The following RBFOX3 variants were observed in gnomAD, a reference collection of about 807,000 sequenced individuals.
RBFOX3 encodes RNA binding protein fox-1 homolog 3.
A neutral mutation model predicts 48.7 loss-of-function variants in RBFOX3; 17 were observed. The observed-to-expected ratio is 0.35, with a 90% confidence interval of 0.24 to 0.52. The LOEUF (loss-of-function observed/expected upper bound fraction) is 0.52. Among genes scored for constraint, RBFOX3 ranks in the 20% least tolerant of loss-of-function variants. The pLI, the probability that RBFOX3 is intolerant of heterozygous loss-of-function variation, is 0.94. For synonymous variants in RBFOX3, 212 were observed against 209.5 expected (o/e 1.01, Z -0.10); for missense variants, 382 against 497.5 (o/e 0.77, Z 2.21).
chr17:79,440,266 C>A (rs1050303791), intron 2 of RBFOX3, among the ~76,000 whole-genome samples: 3 of 152,234 alleles, frequency 2.0e-5, no homozygotes, highest in Admixed American at 1.3e-4. Context: ...GTCCTGCGGA[C>A]GGGCCGTGCT....
At chr17:79,567,759 A>G (rs1433456101) in intron 1 of RBFOX3, among the ~76,000 whole-genome samples, 1 of 152,238 alleles carries the variant, frequency 6.6e-6, no homozygotes, top group Non-Finnish European at 1.5e-5. Flanking sequence ...AGTTCCTGGC[A>G]GGGAAGAGCG....
chr17:79,356,367 T>TTTGTTTTTG (rs2085064057), intron 2 of RBFOX3, among the ~76,000 whole-genome samples: 11 of 76,998 alleles, frequency 1.4e-4, no homozygotes, highest in African/African-American at 3.8e-4. Flanking sequence ...TTTTTTTTTT[T>TTTGTTTTTG]TTTTTTTTTT....
chr17:79,151,093 A>G (rs2044312970), intron 4 of RBFOX3, among the ~76,000 whole-genome samples: 1 of 152,136 alleles, frequency 6.6e-6, no homozygotes. Context: ...GGACTCTCAG[A>G]ACCACAATAA....
upstream of RBFOX3, among the ~76,000 whole-genome samples, chr17:79,614,431 C>T (rs1894262379): frequency 1.3e-5 from 2 of 152,126 alleles, no homozygotes; most frequent in South Asian, 4.1e-4. Context: ...TTGCTGCTTC[C>T]AAGCACAGGC....
chr17:79,372,229 G>C (rs1388292272), intron 2 of RBFOX3, among the ~76,000 whole-genome samples: 3 of 151,956 alleles, frequency 2.0e-5, no homozygotes, highest in Non-Finnish European at 4.4e-5. Context: ...TGGCTCCCCA[G>C]CCTGTCCTAT....
chr17:79,150,014 A>ATGGGGGTTGAGGGTAGGGGGTGGGGG, intron 4 of RBFOX3, among the ~76,000 whole-genome samples: 1 of 5,832 alleles, frequency 1.7e-4, no homozygotes, highest in South Asian at 4.3e-3. Context: ...GGGGATGGGG[A>ATGGGGGTTGAGGGTAGGGGGTGGGGG]TGGGGGTTGA....
chr17:79,302,294 AG>A (rs1185059965), intron 3 of RBFOX3, among the ~76,000 whole-genome samples: 1 of 152,206 alleles, frequency 6.6e-6, no homozygotes, highest in Non-Finnish European at 1.5e-5. Context: ...ACCAAGGCTT[AG>A]AAGTTAAGTA....
chr17:79,387,203 T>C (rs1382254931), intron 2 of RBFOX3, among the ~76,000 whole-genome samples: 1 of 152,166 alleles, frequency 6.6e-6, no homozygotes, highest in African/African-American at 2.4e-5. Context: ...CACACAGCAT[T>C]TCCACTGCGT....
At chr17:79,502,928 T>A (rs887277346) in intron 1 of RBFOX3, among the ~76,000 whole-genome samples, 1 of 152,154 alleles carries the variant, frequency 6.6e-6, no homozygotes, top group Non-Finnish European at 1.5e-5. Flanking sequence ...CCTGTCCCGA[T>A]CAGCTCAGGA....
intron 1 of RBFOX3, among the ~76,000 whole-genome samples, chr17:79,553,038 A>T (rs1409520328): frequency 6.6e-6 from 1 of 152,222 alleles, no homozygotes; most frequent in African/African-American, 2.4e-5. Context: ...CTTCTGCTAC[A>T]ATATGAAATA....
intron 2 of RBFOX3, among the ~76,000 whole-genome samples, chr17:79,470,703 A>C (rs1345936895): frequency 6.6e-6 from 1 of 152,146 alleles, no homozygotes; most frequent in Non-Finnish European, 1.5e-5. Flanking sequence ...GTCTGGGGGA[A>C]CTATTACTGT....
chr17:79,490,405 G>A lies in RBFOX3; in HGVS notation c.-319-7807C>T, dbSNP rs1030861927. On this transcript the variant is annotated intron_variant, in intron 1 of 14. Transcript: ENST00000693108. ...TCGGGAGAATGGTTTCTGGAGGAGAGGCTGGAGACTGCCTGACCCGGGTTC... is the reference window on the plus strand; with the variant it reads ...TCGGGAGAATGGTTTCTGGAGGAGAAGCTGGAGACTGCCTGACCCGGGTTC... Among the ~76,000 whole-genome samples the A allele has an allele frequency of 1.8e-4, 28 of 152,320 alleles. No homozygotes were observed. In the South Asian group the frequency reaches 5.6e-3, roughly 30 times the overall value.
intron 1 of RBFOX3, among the ~76,000 whole-genome samples, chr17:79,606,421 C>T (rs1279958114): frequency 5.3e-5 from 8 of 152,134 alleles, no homozygotes; most frequent in African/African-American, 9.7e-5. Context: ...CCGTGGTACC[C>T]GGGCAAGACG....
chr17:79,315,453 C>T (rs867606198), intron 2 of RBFOX3, among the ~76,000 whole-genome samples: 21 of 152,310 alleles, frequency 1.4e-4, no homozygotes, highest in Middle Eastern at 3.4e-3. Context: ...TCAGAGGGGA[C>T]GTGAAAAGAG....
chr17:79,509,637 G>T (rs1349704595), intron 1 of RBFOX3, among the ~76,000 whole-genome samples: 4 of 152,092 alleles, frequency 2.6e-5, no homozygotes, highest in Admixed American at 2.6e-4. Context: ...CAGGGTCGGC[G>T]CCTGGGAGAG....
intron 3 of RBFOX3, among the ~76,000 whole-genome samples, chr17:79,307,447 A>G (rs897481547): frequency 6.6e-6 from 1 of 152,050 alleles, no homozygotes; most frequent in South Asian, 2.1e-4. Flanking sequence ...TTATCTACTT[A>G]CCTCCCTTGC....
At chr17:79,585,464 G>A (rs2093218686) in intron 1 of RBFOX3, among the ~76,000 whole-genome samples, 1 of 152,112 alleles carries the variant, frequency 6.6e-6, no homozygotes, top group Admixed American at 6.5e-5. Context: ...GGCTGAGGCA[G>A]GAGAATCGCT....
intron 1 of RBFOX3, among the ~76,000 whole-genome samples, chr17:79,536,796 C>T (rs921343292): frequency 1.3e-5 from 2 of 152,220 alleles, no homozygotes; most frequent in Non-Finnish European, 2.9e-5. Flanking sequence ...CTTAAAGCAA[C>T]AGACATTTGG....
chr17:79,336,710 G>C (rs2146516262), intron 2 of RBFOX3, among the ~76,000 whole-genome samples: 1 of 152,292 alleles, frequency 6.6e-6, no homozygotes. Flanking sequence ...TCACAACAGG[G>C]GGGTGGCTCT....
Sources: gnomAD v4.1 joint callset for allele counts (sites outside exome capture counted in the v4.1 genomes callset) on GRCh38, gnomAD v4.1.1 for gene constraint, MANE v1.5 for transcripts, NCBI Gene and HGNC (gene_info 2026-07-23, HGNC 2026-07-21) for gene names.